SOX5: variants seen among roughly 807,000 people sequenced by gnomAD.
SOX5 encodes the protein SRY-box transcription factor 5, also known as transcription factor SOX-5.
In SOX5, 9 loss-of-function variants were observed where a neutral mutation model predicts 92.0. The ratio of observed to expected loss-of-function variants is 0.10; its 90% CI spans 0.06 to 0.17. The LOEUF is 0.17. SOX5 is among the 10% of genes least tolerant of loss of function. The pLI, the probability that SOX5 is intolerant of heterozygous loss-of-function variation, is 1.00. For synonymous variants in SOX5, 344 were observed against 336.3 expected, an observed-to-expected ratio of 1.02 and a Z score of -0.25; for missense variants, 642 against 944.5, an observed-to-expected ratio of 0.68 and a Z score of 4.20.
intron 3 of SOX5, among the ~76,000 whole-genome samples, chr12:23,821,498 G>C (rs2096116384): frequency 6.6e-6 from 1 of 152,188 alleles, no homozygotes; most frequent in African/African-American, 2.4e-5. Context: ...TCCTTGTCTT[G>C]TGACGGTTTT....
At chr12:23,985,406 T>C (rs1477019611) in intron 4 of SOX5, among the ~76,000 whole-genome samples, 1 of 152,038 alleles carries the variant, frequency 6.6e-6, no homozygotes, top group African/African-American at 2.4e-5. Flanking sequence ...TGAGCCACCA[T>C]GCCTGGCCTG....
At chr12:23,980,207 A>C (rs1411745815) in intron 4 of SOX5, among the ~76,000 whole-genome samples, 1 of 152,036 alleles carries the variant, frequency 6.6e-6, no homozygotes, top group East Asian at 1.9e-4. Flanking sequence ...AAGCCCTTGA[A>C]TATTCTTTTC....
intron 3 of SOX5, among the ~76,000 whole-genome samples, chr12:23,761,622 C>T (rs1254200173): frequency 6.6e-6 from 1 of 152,090 alleles, no homozygotes; most frequent in African/African-American, 2.4e-5. Context: ...ACTTGCAGTC[C>T]AATTTCCAGT....
intron 7 of SOX5, among the ~76,000 whole-genome samples, chr12:23,641,769 A>T (rs939905369): frequency 2.6e-5 from 4 of 152,262 alleles, no homozygotes; most frequent in Non-Finnish European, 4.4e-5. Flanking sequence ...GTCATCTGAC[A>T]CATGACCATA....
Position 24,477,296 on chromosome 12 carries a change from G to T in SOX5, c.-251+85033C>A, listed in dbSNP as rs187358904. On this transcript the variant is annotated intron_variant, in intron 1 of 4. Coordinates refer to the SOX5 transcript ENST00000446891. ...TTACAGACATGTGCCACCACACTAG[G>T]CTAATTTTTGTATTTTTAATAGAGA... Among the ~76,000 whole-genome samples the T allele has an allele frequency of 1.5e-3, 229 of 152,016 alleles. 2 individuals are homozygous for T. The highest frequency in any genetic ancestry group is 5.2e-3 in the African/African-American group (214 of 41,496).
chr12:24,523,224 T>A (rs1425687466), intron 1 of SOX5, among the ~76,000 whole-genome samples: 1 of 151,860 alleles, frequency 6.6e-6, no homozygotes, highest in Non-Finnish European at 1.5e-5. Context: ...CTATAAAACA[T>A]TGGTGAAAGA....
chr12:24,405,909 A>G lies in SOX5; in HGVS notation c.-250-37270T>C, dbSNP rs563887212. On this transcript the variant is annotated intron_variant, in intron 1 of 4. Transcript: ENST00000446891. ...AGAGCTGCTGCTGATGCCAAGTCCC[A>G]TCTTTCCCTGAGACAGAGACAGAAA... Among the ~76,000 whole-genome samples the G allele has an allele frequency of 2.3e-3, 343 of 152,286 alleles. 1 individual carries two copies. The highest frequency in any genetic ancestry group is 3.7e-3 in the Non-Finnish European group (249 of 68,020).
intron 4 of SOX5, among the ~76,000 whole-genome samples, chr12:24,139,334 C>T (rs1377098622): frequency 6.6e-6 from 1 of 152,086 alleles, no homozygotes; most frequent in African/African-American, 2.4e-5. Context: ...TTCTAAGCAC[C>T]AATAAATTTA....
intron 4 of SOX5, among the ~76,000 whole-genome samples, chr12:23,979,351 G>A (rs1016166996): frequency 2.6e-5 from 4 of 151,956 alleles, no homozygotes; most frequent in African/African-American, 9.7e-5. Context: ...AGCCTCCTGA[G>A]TAGTTGGGAT....
intron 4 of SOX5, among the ~76,000 whole-genome samples, chr12:24,180,088 G>T (rs1158478601): frequency 6.6e-6 from 1 of 151,988 alleles, no homozygotes; most frequent in Non-Finnish European, 1.5e-5. Context: ...GGGATTATAG[G>T]AATTATAGGA....
chr12:24,143,703 C>T (rs985804330), intron 4 of SOX5, among the ~76,000 whole-genome samples: 8 of 151,884 alleles, frequency 5.3e-5, no homozygotes, highest in African/African-American at 1.9e-4. Flanking sequence ...AAAAATGACT[C>T]AAAAAAATGA....
At chr12:24,534,614 A>C (rs1951477124) in intron 1 of SOX5, among the ~76,000 whole-genome samples, 1 of 152,208 alleles carries the variant, frequency 6.6e-6, no homozygotes, top group African/African-American at 2.4e-5. Flanking sequence ...AACATCTATT[A>C]TCCCTACATG....
chr12:23,655,789 C>T (rs768471875), intron 7 of SOX5, among the ~76,000 whole-genome samples: 11 of 151,960 alleles, frequency 7.2e-5, no homozygotes, highest in Non-Finnish European at 1.3e-4. Flanking sequence ...TGTTAAACCT[C>T]TAGAAGTTAA....
At chr12:23,674,036 T>C (rs1308943039) in intron 6 of SOX5, among the ~76,000 whole-genome samples, 2 of 152,210 alleles carry the variant, frequency 1.3e-5, no homozygotes, top group Non-Finnish European at 2.9e-5. Flanking sequence ...TGTTTTGGAA[T>C]AATGTTTTGC....
intron 2 of SOX5, among the ~76,000 whole-genome samples, chr12:24,359,330 G>A (rs987509980): frequency 1.3e-5 from 2 of 152,154 alleles, no homozygotes; most frequent in African/African-American, 4.8e-5. Flanking sequence ...TTAAGGCTGG[G>A]TGAGGGCCTT....
intron 2 of SOX5, among the ~76,000 whole-genome samples, chr12:23,881,959 T>C (rs1046706091): frequency 6.6e-6 from 1 of 152,312 alleles, no homozygotes; most frequent in East Asian, 1.9e-4. Context: ...AGAATTTATA[T>C]GATAGGAAAT....
At chr12:23,951,925 T>C (rs967690564), upstream of SOX5, among the ~76,000 whole-genome samples, 1 of 152,220 alleles carries the variant, frequency 6.6e-6, no homozygotes, top group Admixed American at 6.5e-5. Flanking sequence ...GAAAAAATTG[T>C]TGCATTTATT....
chr12:24,152,096 T>C (rs1386994994), intron 4 of SOX5, among the ~76,000 whole-genome samples: 1 of 152,166 alleles, frequency 6.6e-6, no homozygotes, highest in African/African-American at 2.4e-5. Context: ...ACACCAGCAT[T>C]TTCTATTCTG....
intron 1 of SOX5, among the ~76,000 whole-genome samples, chr12:23,943,429 A>T (rs1294312557): frequency 1.3e-5 from 2 of 152,064 alleles, no homozygotes; most frequent in Non-Finnish European, 2.9e-5. Flanking sequence ...CTCCAGATAA[A>T]AATTCATCAC....
Sources: gnomAD v4.1 joint callset for allele counts (sites outside exome capture counted in the v4.1 genomes callset) on GRCh38, gnomAD v4.1.1 for gene constraint, MANE v1.5 for transcripts, NCBI Gene and HGNC (gene_info 2026-07-23, HGNC 2026-07-21) for gene names.